The following TBCK variants were observed in gnomAD, a reference collection of about 807,000 sequenced individuals.
TBCK encodes TBC domain-containing protein kinase-like protein.
TBCK carries 99 observed loss-of-function variants against 113.4 expected under a neutral mutation model. That is an observed-to-expected ratio of 0.87 (90% CI 0.74 to 1.03). The LOEUF is 1.03. Among genes scored for constraint, TBCK ranks in the 50% least tolerant of loss-of-function variants. The pLI is 0.00. For synonymous variants in TBCK, 369 were observed against 370.8 expected (o/e 1.00, Z 0.05); for missense variants, 1,045 against 1,061.3 (o/e 0.98, Z 0.21).
At chr4:106,280,984 G>A (rs1419321134) in intron 3 of TBCK, among the ~76,000 whole-genome samples, 1 of 152,022 alleles carries the variant, frequency 6.6e-6, no homozygotes. Context: ...TTTTGATAGA[G>A]AATGCATTGA....
intron 19 of TBCK, among the ~76,000 whole-genome samples, chr4:106,218,971 A>C (rs964023210): frequency 2.0e-5 from 3 of 152,080 alleles, no homozygotes; most frequent in African/African-American, 7.2e-5. Context: ...GAACCAACCC[A>C]AATGTCTAAC....
At chr4:106,147,574 T>C (rs908813510) in intron 23 of TBCK, among the ~76,000 whole-genome samples, 1 of 152,164 alleles carries the variant, frequency 6.6e-6, no homozygotes, top group Admixed American at 6.5e-5. Flanking sequence ...TAAACATAAA[T>C]TGTGAAGATT....
At chr4:106,121,181 C>T (rs1303064131) in intron 23 of TBCK, among the ~76,000 whole-genome samples, 1 of 151,700 alleles carries the variant, frequency 6.6e-6, no homozygotes, top group African/African-American at 2.4e-5. Context: ...GGAGGAAGAT[C>T]TACCAAGCAA....
chr4:106,233,503 G>C, intron 16 of TBCK, 85 bp downstream of exon 16: 1 of 1,043,776 alleles, frequency 9.6e-7, no homozygotes, highest in Non-Finnish European at 1.5e-6. Context: ...ATTCATGAGA[G>C]AAAGAGGCTT....
intron 23 of TBCK, among the ~76,000 whole-genome samples, chr4:106,136,751 C>T (rs72964479): frequency 0.031 from 4,389 of 140,792 alleles, 549 homozygotes; most frequent in African/African-American, 0.1. Flanking sequence ...GGTTTATAGC[C>T]CCTACTCTAT....
intron 19 of TBCK, among the ~76,000 whole-genome samples, chr4:106,228,605 A>T (rs909273567): frequency 6.6e-6 from 1 of 152,004 alleles, no homozygotes; most frequent in Non-Finnish European, 1.5e-5. Flanking sequence ...ATAGTACTCC[A>T]TTGTGTATTA....
intron 22 of TBCK, among the ~76,000 whole-genome samples, chr4:106,189,508 C>T (rs1753422498): frequency 6.6e-6 from 1 of 152,162 alleles, no homozygotes; most frequent in East Asian, 1.9e-4. Flanking sequence ...ACTACAGTTG[C>T]TCTACTCTTT....
chr4:106,243,638 C>T (rs546287853), intron 11 of TBCK, among the ~76,000 whole-genome samples: 1 of 152,044 alleles, frequency 6.6e-6, no homozygotes, highest in South Asian at 2.1e-4. Flanking sequence ...GAGCAGATGA[C>T]TTCTACAGTT....
rs1733979572 is a variant in TBCK, at chr4:106,043,596, T to A, written c.*2974A>T. On this transcript the variant is annotated 3_prime_UTR_variant, in exon 26 of 26. Coordinates refer to ENST00000394708, the MANE Select transcript of TBCK (RefSeq NM_001163435.3). ...AACGATTGCAAAATGATGTAATAAA[T>A]CTATTATTAGTAAATTATGAATGGA... 6.6e-6 allele frequency: 1 copy of A among 152,174 alleles called. No individual in the cohort carries two copies. Among genetic ancestry groups the A allele is most frequent in the Non-Finnish European group, 1.5e-5 (1 of 68,036 alleles). The allele number at this position is 152,174 out of a possible 1,614,324, so 9.4% of individuals were successfully genotyped here. A position where few individuals can be genotyped will look rare whatever the true frequency, so the allele number is the denominator to read the frequency against.
chr4:106,234,677 G>A (rs55738178), intron 15 of TBCK, among the ~76,000 whole-genome samples: 6,868 of 152,112 alleles, frequency 0.045, 513 homozygotes, highest in African/African-American at 0.15. Context: ...CAAAGAAATT[G>A]ACAAGAAATG....
chr4:106,314,105 C>T (rs533602489), intron 1 of TBCK, among the ~76,000 whole-genome samples: 53 of 151,868 alleles, frequency 3.5e-4, no homozygotes, highest in African/African-American at 1.0e-3. Flanking sequence ...GTTTTTGGCA[C>T]GTGAATAAAG....
intron 23 of TBCK, among the ~76,000 whole-genome samples, chr4:106,129,919 C>G (rs767528778): frequency 6.6e-6 from 1 of 152,124 alleles, no homozygotes. Context: ...GTATTCATTC[C>G]CCTAGTATAT....
At chr4:106,141,688 A>G (rs760460923) in intron 23 of TBCK, among the ~76,000 whole-genome samples, 1 of 141,188 alleles carries the variant, frequency 7.1e-6, no homozygotes, top group Non-Finnish European at 1.6e-5. Context: ...CCTGAAAAGA[A>G]TTATCTAGAA....
chr4:106,168,674 G>A (rs918611662), intron 23 of TBCK, among the ~76,000 whole-genome samples: 3 of 151,726 alleles, frequency 2.0e-5, no homozygotes, highest in African/African-American at 4.8e-5. Flanking sequence ...AAGGTCAAAC[G>A]CTTTCCTGTA....
intron 3 of TBCK, among the ~76,000 whole-genome samples, chr4:106,273,451 T>A (rs1248503334): frequency 3.3e-5 from 5 of 152,212 alleles, no homozygotes; most frequent in African/African-American, 7.2e-5. Context: ...AGAGTATGTA[T>A]CTTTTGTTTA....
intron 19 of TBCK, among the ~76,000 whole-genome samples, chr4:106,221,267 G>A (rs952527663): frequency 6.6e-6 from 1 of 152,132 alleles, no homozygotes; most frequent in African/African-American, 2.4e-5. Flanking sequence ...TTGCAGGCAT[G>A]AGCCACTGTG....
Position 106,165,647 on chromosome 4 carries a change from C to T in TBCK, c.2235+5448G>A, listed in dbSNP as rs1235927497. Among the ~76,000 whole-genome samples, 3 of 151,830 alleles carry T rather than the reference C, an allele frequency of 2.0e-5. No homozygotes were observed. The East Asian group carries it at 5.8e-4, about 29-fold the overall frequency. ...AGTAAAAAAAATTAACTGTTAATTA[C>T]TAAACTTGTAATAATGATTTTTTAC... On this transcript the variant is annotated intron_variant, in intron 23 of 25. Coordinates refer to ENST00000394708, the MANE Select transcript of TBCK (RefSeq NM_001163435.3).
intron 19 of TBCK, among the ~76,000 whole-genome samples, chr4:106,226,379 A>G (rs1758246367): frequency 6.6e-6 from 1 of 152,222 alleles, no homozygotes; most frequent in South Asian, 2.1e-4. Context: ...TGGTCTTTTA[A>G]GAGGTGGCCA....
chr4:106,255,091 A>G, intron 5 of TBCK: 1 of 281,222 alleles, frequency 3.6e-6, no homozygotes. Context: ...GACAGGTTGT[A>G]GAGAACTAAC....
Sources: gnomAD v4.1 joint callset for allele counts (sites outside exome capture counted in the v4.1 genomes callset) on GRCh38, gnomAD v4.1.1 for gene constraint, MANE v1.5 for transcripts, NCBI Gene and HGNC (gene_info 2026-07-23, HGNC 2026-07-21) for gene names.